Variants in PPP1R9A observed in about 807,000 individuals in gnomAD.
The protein encoded by PPP1R9A is protein phosphatase 1 regulatory subunit 9A.
PPP1R9A carries 59 observed loss-of-function variants against 141.9 expected under a neutral mutation model. The observed-to-expected ratio is 0.42, with a 90% CI of 0.34 to 0.52. The LOEUF is 0.52. Ranked by LOEUF, PPP1R9A falls within the 20% of genes least tolerant of loss-of-function variation. The probability of loss-of-function intolerance (pLI) is 0.10; values close to 1 mark genes in which losing one functional copy is unlikely to be tolerated. For synonymous variants in PPP1R9A, 500 were observed against 569.7 expected, an observed-to-expected ratio of 0.88 and a Z score of 1.74; for missense variants, 1,444 against 1,611.9, an observed-to-expected ratio of 0.90 and a Z score of 1.78.
At chr7:94,960,894 C>T (rs1797565441) in intron 2 of PPP1R9A, among the ~76,000 whole-genome samples, 1 of 151,554 alleles carries the variant, frequency 6.6e-6, no homozygotes. Flanking sequence ...CTTGTTTTCC[C>T]TGCAGATGTA....
intron 2 of PPP1R9A, among the ~76,000 whole-genome samples, chr7:95,047,558 G>A: frequency 6.6e-6 from 1 of 152,116 alleles, no homozygotes. Flanking sequence ...CATCCTTGTT[G>A]AGCCCAAAAA....
chr7:94,964,868 T>C (rs1798031726), intron 2 of PPP1R9A, among the ~76,000 whole-genome samples: 1 of 152,242 alleles, frequency 6.6e-6, no homozygotes, highest in South Asian at 2.1e-4. Flanking sequence ...TCAAATGGTA[T>C]TTCTAGTTCT....
At chr7:95,205,143 G>C (rs1790513497) in intron 7 of PPP1R9A, among the ~76,000 whole-genome samples, 1 of 152,162 alleles carries the variant, frequency 6.6e-6, no homozygotes, top group Non-Finnish European at 1.5e-5. Flanking sequence ...CAGACAGAAA[G>C]ATGGGTAAAG....
At chr7:94,986,520 G>C (rs891296945) in intron 2 of PPP1R9A, among the ~76,000 whole-genome samples, 2 of 152,126 alleles carry the variant, frequency 1.3e-5, no homozygotes, top group African/African-American at 4.8e-5. Context: ...ATTATAGCTA[G>C]AAGAGAGGAA....
At chr7:94,907,744 T>A (rs962202820) in intron 1 of PPP1R9A, 42 bp downstream of exon 1, 1 of 151,478 alleles carries the variant, frequency 6.6e-6, no homozygotes, top group African/African-American at 2.4e-5. Context: ...CCCCGCGGCC[T>A]CTCCTCCATT....
At chr7:95,089,721 G>T (rs949326967) in intron 2 of PPP1R9A, among the ~76,000 whole-genome samples, 6 of 147,298 alleles carry the variant, frequency 4.1e-5, no homozygotes, top group Non-Finnish European at 4.5e-5. Context: ...TTAGAAGCTC[G>T]TTTTTTTTTT....
At position 95,198,339 on chromosome 7, in the gene PPP1R9A, C is replaced by G. The variant is rs1836597724; in HGVS notation, c.1755-10C>G. 6.3e-7 allele frequency: 1 copy of G among 1,593,318 alleles called. No individual in the cohort carries two copies. Among genetic ancestry groups the G allele is most frequent in the African/African-American group, 1.4e-5 (1 of 73,802 alleles). On this transcript the variant is annotated splice_polypyrimidine_tract_variant and intron_variant, in intron 5 of 19. Transcript: ENST00000433360. Reference sequence around the variant, plus strand: ...GTCTTAAATATTAGTCTTTGTTAACCTTTCCACAGATTTGTTATTGGGCGG... The same window carrying G: ...GTCTTAAATATTAGTCTTTGTTAACGTTTCCACAGATTTGTTATTGGGCGG...
intron 2 of PPP1R9A, among the ~76,000 whole-genome samples, chr7:94,938,902 C>T (rs1584302940): frequency 6.6e-6 from 1 of 152,254 alleles, no homozygotes; most frequent in East Asian, 1.9e-4. Flanking sequence ...TAATCTTAGA[C>T]ACGTATCGTG....
intron 2 of PPP1R9A, among the ~76,000 whole-genome samples, chr7:94,932,359 A>T (rs1794260585): frequency 6.6e-6 from 1 of 152,218 alleles, no homozygotes; most frequent in Non-Finnish European, 1.5e-5. Context: ...TAGATGATCT[A>T]TCTAGATAAA....
At chr7:94,975,346 G>GTTTTTTTTTTTTTTTTTTTTTTTT in intron 2 of PPP1R9A, among the ~76,000 whole-genome samples, 1 of 128,552 alleles carries the variant, frequency 7.8e-6, no homozygotes, top group Non-Finnish European at 1.6e-5. Context: ...ACAGGCTGTA[G>GTTTTTTTTTTTTTTTTTTTTTTTT]TTTTTTTTTG....
intron 4 of PPP1R9A, among the ~76,000 whole-genome samples, chr7:95,141,636 G>A (rs1176844597): frequency 1.0e-5 from 1 of 96,254 alleles, no homozygotes; most frequent in Non-Finnish European, 2.0e-5. Flanking sequence ...TTTGTGACTG[G>A]CTTTTTTTTT....
chr7:95,265,468 A>G lies in PPP1R9A; in HGVS notation c.2666-3082A>G, dbSNP rs542225934. Among the ~76,000 whole-genome samples the G allele has an allele frequency of 2.6e-5, 4 of 152,346 alleles. No homozygotes were observed. In the South Asian group the frequency reaches 8.3e-4, roughly 32 times the overall value. On this transcript the variant is annotated intron_variant, in intron 12 of 19. Transcript: ENST00000433360. ...TGTAATATTAGGATTTTTGTATTAC[A>G]TGATGGAAAAAGATAGCATGTGATG... is the stretch of plus-strand genomic sequence containing the variant.
At chr7:95,057,209 G>A (rs1811620123) in intron 2 of PPP1R9A, among the ~76,000 whole-genome samples, 1 of 151,828 alleles carries the variant, frequency 6.6e-6, no homozygotes, top group Admixed American at 6.6e-5. Context: ...ATAATTTGGG[G>A]GATTTCAAAT....
intron 2 of PPP1R9A, among the ~76,000 whole-genome samples, chr7:95,025,538 C>T (rs993684917): frequency 7.9e-5 from 12 of 152,164 alleles, no homozygotes; most frequent in South Asian, 4.2e-4. Flanking sequence ...GTGAATCTGA[C>T]GATTATGTGT....
chr7:94,979,820 T>C (rs1563075223), intron 2 of PPP1R9A, among the ~76,000 whole-genome samples: 1 of 152,210 alleles, frequency 6.6e-6, no homozygotes, highest in Non-Finnish European at 1.5e-5. Flanking sequence ...AATGCTAGTT[T>C]GGTGGTGTGC....
intron 2 of PPP1R9A, among the ~76,000 whole-genome samples, chr7:95,030,172 A>T (rs918931888): frequency 6.6e-6 from 1 of 152,222 alleles, no homozygotes; most frequent in Admixed American, 6.5e-5. Flanking sequence ...TATTGGGCAA[A>T]TGTCTGAGAG....
chr7:94,949,811 C>G (rs1448830873), intron 2 of PPP1R9A, among the ~76,000 whole-genome samples: 3 of 151,646 alleles, frequency 2.0e-5, no homozygotes, highest in Non-Finnish European at 4.4e-5. Flanking sequence ...CCACTGAGTG[C>G]TTCTCTACTA....
chr7:95,121,766 G>A (rs1822655468), intron 4 of PPP1R9A, among the ~76,000 whole-genome samples: 1 of 152,106 alleles, frequency 6.6e-6, no homozygotes, highest in Admixed American at 6.5e-5. Context: ...GTGAGAGAGA[G>A]CAAGAAGGGG....
intron 4 of PPP1R9A, among the ~76,000 whole-genome samples, chr7:95,149,612 T>C (rs1052599797): frequency 1.6e-4 from 24 of 151,822 alleles, no homozygotes; most frequent in Non-Finnish European, 2.7e-4. Context: ...TAAAAACATA[T>C]TAAAATTCAT....
Sources: gnomAD v4.1 joint callset for allele counts (sites outside exome capture counted in the v4.1 genomes callset) on GRCh38, gnomAD v4.1.1 for gene constraint, MANE v1.5 for transcripts, NCBI Gene and HGNC (gene_info 2026-07-23, HGNC 2026-07-21) for gene names.